CHN1: variants seen among roughly 807,000 people sequenced by gnomAD.
CHN1 encodes N-chimaerin.
CHN1 carries 37 observed loss-of-function variants against 59.5 expected under a neutral mutation model. The observed-to-expected ratio is 0.62, with a 90% CI of 0.48 to 0.82. The LOEUF is 0.82. Among genes scored for constraint, CHN1 ranks in the 40% least tolerant of loss-of-function variants. The probability of loss-of-function intolerance (pLI) is 0.00; values close to 1 mark genes in which losing one functional copy is unlikely to be tolerated. For missense variants in CHN1, 469 were observed against 571.0 expected (o/e 0.82, Z 1.82); for synonymous variants, 206 against 200.4 (o/e 1.03, Z -0.24).
intron 11 of CHN1, among the ~76,000 whole-genome samples, chr2:174,803,651 C>T (rs1219182622): frequency 6.6e-6 from 1 of 152,212 alleles, no homozygotes; most frequent in African/African-American, 2.4e-5. Context: ...ACTTCCTGGG[C>T]TCAGGTGATC....
At chr2:174,886,663 T>C (rs1197310869) in intron 5 of CHN1, among the ~76,000 whole-genome samples, 1 of 152,140 alleles carries the variant, frequency 6.6e-6, no homozygotes, top group African/African-American at 2.4e-5. Context: ...TTCAGGACCA[T>C]GTTTTGGAGG....
At chr2:174,928,097 C>T (rs970265497) in intron 3 of CHN1, among the ~76,000 whole-genome samples, 3 of 151,998 alleles carry the variant, frequency 2.0e-5, no homozygotes, top group Admixed American at 2.0e-4. Context: ...AGGTATATTC[C>T]GAATTAAAGG....
rs1371214600 is a variant in CHN1 at position 174,952,202 on chromosome 2, T to C, written c.20A>G (p.Asp7Gly). The part of the protein sequence containing the change: MALTLF[D>G]TDEYRPPVWK... Reference sequence around the variant, plus strand: ...AACAGGAGGTCTATATTCATCTGTATCTGAAAGAAAAAACATCAAATTAAC... The same window carrying C: ...AACAGGAGGTCTATATTCATCTGTACCTGAAAGAAAAAACATCAAATTAAC... Residue 7 changes from aspartate (D) to glycine (G), a missense_variant and splice_region_variant, in exon 2 of 13, where the codon GAT becomes GGT. Asp to Gly is a moderately conservative substitution (Grantham distance 94). This residue lies in a region of CHN1 where 152 missense variants were observed against 166.1 expected (regional missense o/e 0.92). Transcript: ENST00000409900. The C allele has an allele frequency of 6.9e-6, 10 of 1,447,280 alleles. No homozygotes were observed. Among genetic ancestry groups the C allele is most frequent in the Non-Finnish European group, 9.2e-6 (10 of 1,091,972 alleles). The allele number at this position is 1,447,280 out of a possible 1,614,324, so 89.7% of individuals were successfully genotyped here. A position where few individuals can be genotyped will look rare whatever the true frequency, so the allele number is the denominator to read the frequency against.
intron 5 of CHN1, among the ~76,000 whole-genome samples, chr2:174,901,021 T>C (rs900430617): frequency 6.6e-6 from 1 of 152,252 alleles, no homozygotes; most frequent in East Asian, 1.9e-4. Context: ...ACACAAAATA[T>C]ATAGGGCAAT....
At chr2:174,922,544 T>C (rs1689044442) in intron 3 of CHN1, among the ~76,000 whole-genome samples, 1 of 152,002 alleles carries the variant, frequency 6.6e-6, no homozygotes, top group African/African-American at 2.4e-5. Flanking sequence ...TTTTTAAATA[T>C]TTTTTTGGTG....
intron 7 of CHN1, among the ~76,000 whole-genome samples, chr2:174,832,359 ATTC>A (rs1177703865): frequency 6.6e-6 from 1 of 151,708 alleles, no homozygotes; most frequent in Admixed American, 6.6e-5. Flanking sequence ...GGTTTAATTG[ATTC>A]TTCTTTTTCT....
chr2:174,841,804 G>C lies in CHN1; in HGVS notation c.627+5076C>G, dbSNP rs138295477. Among the ~76,000 whole-genome samples the C allele has an allele frequency of 7.9e-3, 1,195 of 152,206 alleles. 13 individuals are homozygous for C. Among genetic ancestry groups the C allele is most frequent in the African/African-American group, 0.027 (1,140 of 41,514 alleles). ...ATCCACAGAAGAGGCAATGATGAGA[G>C]ACATTATTGCAGAAGCATAATGAAG... On this transcript the variant is annotated intron_variant, in intron 7 of 12. Transcript: ENST00000409900.
chr2:174,933,275 T>C (rs1689404573), intron 3 of CHN1, among the ~76,000 whole-genome samples: 1 of 152,034 alleles, frequency 6.6e-6, no homozygotes, highest in Admixed American at 6.5e-5. Flanking sequence ...AAGATCATAA[T>C]AAAGTAAATA....
chr2:174,972,296 CG>C (rs1690783027), intron 1 of CHN1, among the ~76,000 whole-genome samples: 1 of 152,152 alleles, frequency 6.6e-6, no homozygotes, highest in African/African-American at 2.4e-5. Context: ...CTCTGACCCA[CG>C]GCAGGGTGAT....
chr2:174,895,415 G>GTACCC (rs1011159251), intron 5 of CHN1, among the ~76,000 whole-genome samples: 1 of 151,970 alleles, frequency 6.6e-6, no homozygotes, highest in African/African-American at 2.4e-5. Flanking sequence ...TGGCTGCTAT[G>GTACCC]GGGTAGGAGG....
intron 1 of CHN1, among the ~76,000 whole-genome samples, chr2:174,999,000 A>G (rs1213125182): frequency 6.6e-6 from 1 of 152,168 alleles, no homozygotes; most frequent in Non-Finnish European, 1.5e-5. Flanking sequence ...CAAAGTATCT[A>G]TTCTTTTAAA....
chr2:175,003,236 G>A (rs1691946208), intron 1 of CHN1, among the ~76,000 whole-genome samples: 1 of 152,210 alleles, frequency 6.6e-6, no homozygotes, highest in Admixed American at 6.5e-5. Flanking sequence ...CGTTCACACT[G>A]TAACAAACTG....
At chr2:174,841,108 C>T (rs190530095) in intron 7 of CHN1, among the ~76,000 whole-genome samples, 3 of 152,280 alleles carry the variant, frequency 2.0e-5, no homozygotes, top group Non-Finnish European at 2.9e-5. Context: ...AAGATAGCTA[C>T]AAAGAAGTAT....
At chr2:174,930,102 G>A (rs1395803302) in intron 3 of CHN1, among the ~76,000 whole-genome samples, 1 of 152,172 alleles carries the variant, frequency 6.6e-6, no homozygotes, top group Non-Finnish European at 1.5e-5. Flanking sequence ...CCATGACGAG[G>A]TGTCACAGGA....
chr2:174,905,217 G>A (rs553036381), intron 5 of CHN1, among the ~76,000 whole-genome samples: 1 of 152,168 alleles, frequency 6.6e-6, no homozygotes, highest in East Asian at 1.9e-4. Flanking sequence ...AGATCTTAAA[G>A]AGAATCTAGC....
chr2:174,963,578 A>T lies in CHN1; in HGVS notation c.20-11376T>A, dbSNP rs190172106. Among the ~76,000 whole-genome samples the T allele has an allele frequency of 2.5e-3, 385 of 152,326 alleles. 4 individuals are homozygous for T. Among genetic ancestry groups the T allele is most frequent in the Middle Eastern group, 0.014 (4 of 294 alleles). ...ACAATGCAGAGTGGCTGAAATAAAG[A>T]TATACTGAGGAAAGTTTGTGACTCA... On this transcript the variant is annotated intron_variant, in intron 1 of 12. Transcript: ENST00000409900.
chr2:174,846,169 A>G (rs560234898), intron 7 of CHN1: 1 of 1,096,640 alleles, frequency 9.1e-7, no homozygotes, highest in South Asian at 2.6e-5. Flanking sequence ...TGCAAAGGAC[A>G]GAAATTCAAG....
intron 11 of CHN1, among the ~76,000 whole-genome samples, chr2:174,808,047 G>A (rs952482835): frequency 6.6e-6 from 1 of 152,152 alleles, no homozygotes; most frequent in African/African-American, 2.4e-5. Flanking sequence ...AATGAACTTT[G>A]ACAAATAAAC....
chr2:174,996,979 C>T (rs1268557993), intron 1 of CHN1, among the ~76,000 whole-genome samples: 1 of 152,178 alleles, frequency 6.6e-6, no homozygotes, highest in Non-Finnish European at 1.5e-5. Flanking sequence ...ACAGGTAACC[C>T]CTTACCCCTC....
Sources: allele counts gnomAD v4.1 joint callset (sites outside exome capture counted in the v4.1 genomes callset), GRCh38; gene constraint gnomAD v4.1.1; regional missense constraint gnomAD v4.1.1; transcripts MANE v1.5; gene names NCBI Gene and HGNC (gene_info 2026-07-23, HGNC 2026-07-21).